Variants in ZNF146 observed in about 807,000 individuals in gnomAD.
The protein encoded by ZNF146 is zinc finger protein 146, also known as zinc finger protein OZF.
A neutral mutation model predicts 22.2 loss-of-function variants in ZNF146; 9 were observed. The ratio of observed to expected loss-of-function variants is 0.41; its 90% CI spans 0.24 to 0.71. The LOEUF (loss-of-function observed/expected upper bound fraction) is 0.71. Among genes scored for constraint, ZNF146 ranks in the 30% least tolerant of loss-of-function variants. The pLI is 0.34. For synonymous variants in ZNF146, 108 were observed against 119.2 expected, an observed-to-expected ratio of 0.91 and a Z score of 0.61; for missense variants, 194 against 344.8, an observed-to-expected ratio of 0.56 and a Z score of 3.46.
At chr19:36,229,509 GTTT>G (rs1386542141) in intron 3 of ZNF146, among the ~76,000 whole-genome samples, 1 of 152,176 alleles carries the variant, frequency 6.6e-6, no homozygotes, top group South Asian at 2.1e-4. Flanking sequence ...TAGTCCTGCA[GTTT>G]TTTTGCAAAG....
chr19:36,222,756 C>T (rs995554469), intron 2 of ZNF146, among the ~76,000 whole-genome samples: 5 of 137,242 alleles, frequency 3.6e-5, no homozygotes, highest in Non-Finnish European at 7.7e-5. Context: ...GAAAGGTTAG[C>T]CCTGTATGAA....
intron 2 of ZNF146, among the ~76,000 whole-genome samples, chr19:36,227,525 A>G (rs140269834): frequency 1.8e-3 from 275 of 151,724 alleles, no homozygotes; most frequent in African/African-American, 5.7e-3. Context: ...CTGGTACTGC[A>G]TGTGCACACC....
chr19:36,223,826 A>T (rs1386664178), intron 2 of ZNF146, among the ~76,000 whole-genome samples: 1 of 151,790 alleles, frequency 6.6e-6, no homozygotes, highest in Non-Finnish European at 1.5e-5. Context: ...AGCTGACTGC[A>T]GCCTTCATAT....
intron 2 of ZNF146, among the ~76,000 whole-genome samples, chr19:36,221,799 A>G (rs1317517351): frequency 2.0e-5 from 3 of 150,764 alleles, no homozygotes; most frequent in Non-Finnish European, 4.4e-5. Context: ...TTCTGTCACT[A>G]TTATATATTT....
rs67760026 is a variant in ZNF146, at chr19:36,225,752, CTTTTTTTTTTTT to C, written c.-854-2981_-854-2970del. On this transcript the variant is annotated intron_variant, in intron 2 of 3. Coordinates refer to ENST00000443387, the MANE Select transcript of ZNF146 (RefSeq NM_007145.3). ...CAAGCCCTGCCCCTGCTTTGTGATT[CTTTTTTTTTTTT>C]TTTTTTTTTTTTTTGAGACAGGGTC... is the stretch of plus-strand genomic sequence containing the variant. Among the ~76,000 whole-genome samples, 14 of 66,726 alleles carry C rather than the reference CTTTTTTTTTTTT, an allele frequency of 2.1e-4. 1 individual carries two copies. Among genetic ancestry groups the C allele is most frequent in the African/African-American group, 6.6e-4 (11 of 16,566 alleles). 43.8% of individuals were successfully genotyped at this position (66,726 alleles called of 152,430 possible). A position where few individuals can be genotyped will look rare whatever the true frequency, so the allele number is the denominator to read the frequency against.
At chr19:36,223,752 GT>G (rs1278341244) in intron 2 of ZNF146, among the ~76,000 whole-genome samples, 2 of 151,570 alleles carry the variant, frequency 1.3e-5, no homozygotes, top group Non-Finnish European at 2.9e-5. Context: ...GTTTTTTGTT[GT>G]TTGATTGTTT....
In ZNF146 at chr19:36,238,051, T is replaced by C. The variant is rs536352720; in HGVS notation, c.*732T>C. 1.5e-4 allele frequency: 25 copies of C among 167,246 alleles called. No individual in the cohort carries two copies. The highest frequency in any genetic ancestry group is 5.3e-4 in the African/African-American group (22 of 41,594). The allele number at this position is 167,246 out of a possible 1,614,324, so 10.4% of individuals were successfully genotyped here. A position where few individuals can be genotyped will look rare whatever the true frequency, so the allele number is the denominator to read the frequency against. ...AGGAAATACGCACTAGGATATTTAC[T>C]GTGGCTTGATTTGTAGTAGCCAAAA... On this transcript the variant is annotated 3_prime_UTR_variant, in exon 4 of 4. Coordinates refer to ENST00000443387, the MANE Select transcript of ZNF146 (RefSeq NM_007145.3).
chr19:36,218,566 T>A (rs1367753507), intron 2 of ZNF146, among the ~76,000 whole-genome samples: 3 of 150,292 alleles, frequency 2.0e-5, no homozygotes, highest in African/African-American at 7.4e-5. Flanking sequence ...CCCTGGTTCA[T>A]GCCATTCTCC....
chr19:36,233,419 A>G (rs1396480199), intron 3 of ZNF146, among the ~76,000 whole-genome samples: 1 of 152,064 alleles, frequency 6.6e-6, no homozygotes, highest in Non-Finnish European at 1.5e-5. Flanking sequence ...CTGACTTGGA[A>G]AAGAAAGAGA....
At chr19:36,223,393 C>A (rs1340578807) in intron 2 of ZNF146, among the ~76,000 whole-genome samples, 1 of 151,744 alleles carries the variant, frequency 6.6e-6, no homozygotes, top group East Asian at 1.9e-4. Context: ...GATGGAGTAT[C>A]TCTCCGTCCC....
intron 2 of ZNF146, among the ~76,000 whole-genome samples, chr19:36,227,734 A>G (rs1251860085): frequency 6.6e-6 from 1 of 152,022 alleles, no homozygotes; most frequent in Non-Finnish European, 1.5e-5. Context: ...TTGTATTTTT[A>G]TAAGGACGGT....
In ZNF146 at chr19:36,236,851, C is replaced by T. The variant is rs749535764; in HGVS notation, c.411C>T (p.Phe137=). ...PFVCKECGKT[F]SGKSNLTEHE... is the part of the protein sequence containing the mutation. ...TATGTAAGGAGTGTGGAAAAACCTT[C>T]AGTGGCAAATCCAACCTTACTGAGC... The change falls in exon 4 of 4, where the codon TTC becomes TTT. Residue 137 remains phenylalanine, a synonymous_variant. Coordinates refer to ENST00000443387, the MANE Select transcript of ZNF146 (RefSeq NM_007145.3). 6.2e-7 allele frequency: 1 copy of T among 1,614,160 alleles called. No homozygotes were observed. Among genetic ancestry groups the T allele is most frequent in the East Asian group, 2.2e-5 (1 of 44,876 alleles).
chr19:36,224,584 A>G (rs139838139), intron 2 of ZNF146, among the ~76,000 whole-genome samples: 3 of 152,306 alleles, frequency 2.0e-5, no homozygotes, highest in Admixed American at 1.3e-4. Flanking sequence ...TTTGTGGTAT[A>G]GCTAGTCTCT....
intron 3 of ZNF146, among the ~76,000 whole-genome samples, chr19:36,232,632 A>G (rs1472691980): frequency 6.9e-6 from 1 of 144,832 alleles, no homozygotes; most frequent in East Asian, 2.0e-4. Flanking sequence ...TTCCCGAGAC[A>G]TAGTCTCCCT....
chr19:36,237,034 A>G lies in ZNF146; in HGVS notation c.594A>G (p.Ser198=). ...ECGKAFSQRT[S]LIVHVRIHSG... ...GAAAAGCCTTCTCTCAGCGAACATCACTTATTGTACATGTGAGGATTCATT... is the reference window on the plus strand; with the variant it reads ...GAAAAGCCTTCTCTCAGCGAACATCGCTTATTGTACATGTGAGGATTCATT... Residue 198 remains serine (S), a synonymous_variant, in exon 4 of 4, where the codon TCA becomes TCG. Coordinates refer to ENST00000443387, the MANE Select transcript of ZNF146 (RefSeq NM_007145.3). The G allele has an allele frequency of 6.2e-7, 1 of 1,614,028 alleles. No homozygotes were observed. The highest frequency in any genetic ancestry group is 8.5e-7 in the Non-Finnish European group (1 of 1,179,992).
chr19:36,237,096 A>G lies in ZNF146; in HGVS notation c.656A>G (p.Lys219Arg). Residue 219 changes from lysine to arginine, a missense_variant, in exon 4 of 4, where the codon AAA becomes AGA. Transcript: ENST00000443387. Reference protein sequence around the residue: ...DKPYECNVCGKAFSQSSSLTV... With the variant: ...DKPYECNVCGRAFSQSSSLTV... The stretch of plus-strand genomic sequence containing the variant: ...CCTTACGAATGCAATGTTTGTGGAA[A>G]AGCCTTCTCTCAGAGCTCATCTCTC... The G allele has an allele frequency of 6.2e-7, 1 of 1,614,208 alleles. No individual in the cohort carries two copies. Among genetic ancestry groups the G allele is most frequent in the Non-Finnish European group, 8.5e-7 (1 of 1,180,024 alleles).
chr19:36,236,764 T>C lies in ZNF146; in HGVS notation c.324T>C (p.Ala108=). The C allele has an allele frequency of 6.2e-7, 1 of 1,614,068 alleles. No homozygotes were observed. The highest frequency in any genetic ancestry group is 8.5e-7 in the Non-Finnish European group (1 of 1,180,000). The change falls in exon 4 of 4, where the codon GCT becomes GCC. Residue 108 remains alanine (A), a synonymous_variant. Transcript: ENST00000443387. The part of the protein sequence containing the change: ...KPFECKDCGK[A]FIQKSNLIRH... ...TTGAGTGTAAAGATTGCGGGAAAGC[T>C]TTCATTCAGAAGTCAAACCTCATCA...
Position 36,236,706 on chromosome 19 carries a change from C to T in ZNF146, c.266C>T (p.Thr89Met), listed in dbSNP as rs1389216416. 1.9e-6 allele frequency: 3 copies of T among 1,614,046 alleles called. No individual in the cohort carries two copies. The highest frequency in any genetic ancestry group is 1.1e-5 in the South Asian group (1 of 91,086). The change falls in exon 4 of 4, where the codon ACG becomes ATG. Residue 89 changes from threonine to methionine, a missense_variant. Around this residue, in one of 2 missense-constraint regions of ZNF146, gnomAD observed 147 missense variants for 300.1 expected, o/e 0.49. Transcript: ENST00000443387. Reference protein sequence around the residue: ...KSFSQKENLLTHQKIHTGEKP... With the variant: ...KSFSQKENLLMHQKIHTGEKP... The stretch of plus-strand genomic sequence containing the variant: ...TTTAGCCAGAAGGAAAACCTCCTTA[C>T]GCACCAGAAAATTCACACTGGAGAA...
At chr19:36,221,381 C>T (rs2432043) in intron 2 of ZNF146, among the ~76,000 whole-genome samples, 55,708 of 149,486 alleles carry the variant, frequency 0.37, 10,589 homozygotes, top group South Asian at 0.49. Context: ...CTCCGCCTCC[C>T]GGGTTCACGC....
Sources: allele counts gnomAD v4.1 joint callset (sites outside exome capture counted in the v4.1 genomes callset), GRCh38; gene constraint gnomAD v4.1.1; regional missense constraint gnomAD v4.1.1; transcripts MANE v1.5; gene names NCBI Gene and HGNC (gene_info 2026-07-23, HGNC 2026-07-21).